NELL1: variants seen among roughly 807,000 people sequenced by gnomAD.
NELL1 encodes the protein protein kinase C-binding protein NELL1.
In NELL1, 76 loss-of-function variants were observed where a neutral mutation model predicts 107.4. The observed-to-expected ratio is 0.71, with a 90% CI of 0.59 to 0.86. The LOEUF (loss-of-function observed/expected upper bound fraction) is 0.86. NELL1 is among the 40% of genes least tolerant of loss of function. The pLI is 0.00. For missense variants in NELL1, 1,024 were observed against 1,005.5 expected, an observed-to-expected ratio of 1.02 and a Z score of -0.25; for synonymous variants, 353 against 341.2, an observed-to-expected ratio of 1.03 and a Z score of -0.38.
chr11:21,327,486 G>A lies in NELL1; in HGVS notation c.1550-43367G>A, dbSNP rs189445367. 1.5e-3 allele frequency among the ~76,000 whole-genome samples: 225 copies of A among 152,212 alleles called. 2 individuals carry two copies. The highest frequency in any genetic ancestry group is 5.1e-3 in the African/African-American group (210 of 41,516). ...TTCCTGAGGCCTCCCCAGTCATGCTGAACTGTGAGTCAATTAAACCTCTTT... is the reference window on the plus strand; with the variant it reads ...TTCCTGAGGCCTCCCCAGTCATGCTAAACTGTGAGTCAATTAAACCTCTTT... On this transcript the variant is annotated intron_variant, in intron 14 of 19. Coordinates refer to ENST00000357134, the MANE Select transcript of NELL1 (RefSeq NM_006157.5).
intron 4 of NELL1, among the ~76,000 whole-genome samples, chr11:20,872,166 C>T (rs1849213516): frequency 7.3e-6 from 1 of 136,948 alleles, no homozygotes; most frequent in African/African-American, 2.6e-5. Flanking sequence ...AGTCCTCTAT[C>T]AGAGATTTTT....
At chr11:21,103,112 T>A (rs1289301948) in intron 12 of NELL1, among the ~76,000 whole-genome samples, 2 of 152,188 alleles carry the variant, frequency 1.3e-5, no homozygotes, top group African/African-American at 4.8e-5. Context: ...ATGTTTTTAA[T>A]GAACCGAGGT....
chr11:21,516,881 T>A (rs1464620818), intron 15 of NELL1, among the ~76,000 whole-genome samples: 1 of 151,894 alleles, frequency 6.6e-6, no homozygotes, highest in Non-Finnish European at 1.5e-5. Context: ...CTCGGCCCAG[T>A]GCAACCTCCG....
At chr11:20,783,353 A>T (rs753444123) in intron 2 of NELL1, among the ~76,000 whole-genome samples, 7 of 152,134 alleles carry the variant, frequency 4.6e-5, no homozygotes, top group Admixed American at 1.3e-4. Context: ...TCCCGTCAAA[A>T]TTCCTGCCAG....
intron 10 of NELL1, 118 bp downstream of exon 10, chr11:20,937,977 A>G (rs917222506): frequency 1.0e-5 from 9 of 890,638 alleles, no homozygotes; most frequent in Non-Finnish European, 1.6e-5. Flanking sequence ...GAGGGGTGGA[A>G]CTCTCTGCGG....
At chr11:21,539,697 G>A (rs942295703) in intron 16 of NELL1, among the ~76,000 whole-genome samples, 2 of 151,102 alleles carry the variant, frequency 1.3e-5, no homozygotes, top group Non-Finnish European at 2.9e-5. Context: ...TGTGGAGCCT[G>A]GGGTTTGGGG....
intron 15 of NELL1, among the ~76,000 whole-genome samples, chr11:21,411,535 T>C (rs535601718): frequency 6.6e-6 from 1 of 152,140 alleles, no homozygotes; most frequent in African/African-American, 2.4e-5. Context: ...AAAAAGTTAT[T>C]TGAGGTCTGC....
At chr11:21,183,008 TCACC>T (rs1239892580) in intron 13 of NELL1, among the ~76,000 whole-genome samples, 1 of 151,836 alleles carries the variant, frequency 6.6e-6, no homozygotes, top group Non-Finnish European at 1.5e-5. Context: ...TTCTCCTCTT[TCACC>T]CATATGGGCA....
intron 2 of NELL1, among the ~76,000 whole-genome samples, chr11:20,763,417 A>T (rs1290620652): frequency 6.6e-6 from 1 of 152,108 alleles, no homozygotes; most frequent in Non-Finnish European, 1.5e-5. Context: ...CTGGGATAGA[A>T]ATATTCTCAT....
rs143336143 is a variant in NELL1, at chr11:21,356,808, C to T, written c.1550-14045C>T. 4.0e-3 allele frequency among the ~76,000 whole-genome samples: 615 copies of T among 152,200 alleles called. 2 individuals carry two copies. Among genetic ancestry groups the T allele is most frequent in the Non-Finnish European group, 6.6e-3 (448 of 68,006 alleles). On this transcript the variant is annotated intron_variant, in intron 14 of 19. Transcript: ENST00000357134. ...TAGTCTTTTATCCCTTGAACCGCTC[C>T]CTCCTTCATCCTGCATCCCCAAAGT...
chr11:20,717,498 A>T (rs1185154941), intron 2 of NELL1, among the ~76,000 whole-genome samples: 4 of 152,062 alleles, frequency 2.6e-5, no homozygotes, highest in Non-Finnish European at 5.9e-5. Flanking sequence ...GTTCCTTATA[A>T]ATAGAGGTTC....
At chr11:20,920,823 C>T (rs976853541) in intron 7 of NELL1, among the ~76,000 whole-genome samples, 1 of 151,968 alleles carries the variant, frequency 6.6e-6, no homozygotes, top group Middle Eastern at 3.4e-3. Flanking sequence ...ATTCTCAAAA[C>T]GTTATTGTGT....
intron 14 of NELL1, among the ~76,000 whole-genome samples, chr11:21,307,183 T>C (rs1460599315): frequency 6.6e-6 from 1 of 152,016 alleles, no homozygotes; most frequent in East Asian, 1.9e-4. Context: ...GCAGGTGTCA[T>C]GGCTGTCAAC....
At chr11:21,527,276 A>G (rs1196518689) in intron 15 of NELL1, among the ~76,000 whole-genome samples, 1 of 152,164 alleles carries the variant, frequency 6.6e-6, no homozygotes, top group Non-Finnish European at 1.5e-5. Context: ...TATCACTATC[A>G]GCATTTTGGT....
intron 5 of NELL1, among the ~76,000 whole-genome samples, chr11:20,894,769 A>G (rs1421191075): frequency 6.6e-6 from 1 of 152,210 alleles, no homozygotes. Flanking sequence ...TACTCTAGGT[A>G]CCTAATGTCT....
At chr11:21,493,555 A>T (rs1388628673) in intron 15 of NELL1, among the ~76,000 whole-genome samples, 1 of 151,882 alleles carries the variant, frequency 6.6e-6, no homozygotes, top group Non-Finnish European at 1.5e-5. Flanking sequence ...TCTTCTGGAG[A>T]TAGAGTATAG....
rs574025068 is a variant in NELL1 at position 21,160,310 on chromosome 11, A to G, written c.1426+46596A>G. ...CATTTGAAGACATTTTTCTTAGCTA[A>G]TATTTTTTTTTAGAACCTGTCAAAA... is the stretch of plus-strand genomic sequence containing the variant. On this transcript the variant is annotated intron_variant, in intron 13 of 19. Coordinates refer to ENST00000357134, the MANE Select transcript of NELL1 (RefSeq NM_006157.5). Among the ~76,000 whole-genome samples, 6 of 152,216 alleles carry G rather than the reference A, an allele frequency of 3.9e-5. No homozygotes were observed. The South Asian group carries it at 6.2e-4, about 16-fold the overall frequency.
rs1182515464 is a variant in NELL1 at position 21,360,262 on chromosome 11, G to T, written c.1550-10591G>T. Among the ~76,000 whole-genome samples, 3 of 152,206 alleles carry T rather than the reference G, an allele frequency of 2.0e-5. No individual in the cohort carries two copies. In the East Asian group the frequency reaches 5.8e-4, roughly 29 times the overall value. On this transcript the variant is annotated intron_variant, in intron 14 of 19. Transcript: ENST00000357134. ...CTTTGTTGACCCAAAGATAATTCAAGAGCAGATTATTTAATTTCTATGTAT... is the reference window on the plus strand; with the variant it reads ...CTTTGTTGACCCAAAGATAATTCAATAGCAGATTATTTAATTTCTATGTAT...
intron 12 of NELL1, among the ~76,000 whole-genome samples, chr11:21,061,066 T>G (rs1590597374): frequency 6.6e-6 from 1 of 152,152 alleles, no homozygotes; most frequent in South Asian, 2.1e-4. Context: ...TAAAGGGACT[T>G]TGATATTGCA....
Sources: allele counts gnomAD v4.1 joint callset (sites outside exome capture counted in the v4.1 genomes callset), GRCh38; gene constraint gnomAD v4.1.1; transcripts MANE v1.5; gene names NCBI Gene and HGNC (gene_info 2026-07-23, HGNC 2026-07-21).